Variants in ADCY5 observed in about 807,000 individuals in gnomAD.
The protein encoded by ADCY5 is adenylate cyclase type 5.
Under a neutral mutation model 119.7 loss-of-function variants are expected in ADCY5, and 30 were observed. The ratio of observed to expected loss-of-function variants is 0.25; its 90% CI spans 0.19 to 0.34. The LOEUF is 0.34. ADCY5 is among the 10% of genes least tolerant of loss of function. ADCY5 has a pLI of 1.00. For synonymous variants in ADCY5, 753 were observed against 762.2 expected (o/e 0.99, Z 0.20); for missense variants, 1,324 against 1,775.2 (o/e 0.75, Z 4.57).
At chr3:123,345,735 GAGAC>G (rs770505529) in intron 3 of ADCY5, among the ~76,000 whole-genome samples, 14 of 144,140 alleles carry the variant, frequency 9.7e-5, no homozygotes, top group African/African-American at 3.4e-4. Context: ...CAGAGACAGA[GAGAC>G]AGACAGACAG....
intron 1 of ADCY5, among the ~76,000 whole-genome samples, chr3:123,376,687 C>A (rs918477626): frequency 6.6e-6 from 1 of 152,070 alleles, no homozygotes; most frequent in Non-Finnish European, 1.5e-5. Flanking sequence ...GGCCCCAGAG[C>A]AGAGTGGCTG....
intron 1 of ADCY5, among the ~76,000 whole-genome samples, chr3:123,358,550 T>C (rs1943126303): frequency 1.3e-5 from 2 of 152,128 alleles, no homozygotes; most frequent in Admixed American, 1.3e-4. Flanking sequence ...CAGTGAGCTA[T>C]GACCATACCA....
intron 1 of ADCY5, among the ~76,000 whole-genome samples, chr3:123,412,199 A>T (rs1298856107): frequency 6.6e-6 from 1 of 152,216 alleles, no homozygotes; most frequent in Non-Finnish European, 1.5e-5. Flanking sequence ...AGGAAAGAGG[A>T]CACTTTGCCT....
intron 1 of ADCY5, among the ~76,000 whole-genome samples, chr3:123,439,969 G>A (rs1276322340): frequency 6.6e-6 from 1 of 152,218 alleles, no homozygotes; most frequent in South Asian, 2.1e-4. Context: ...CAGCAGGAGG[G>A]ATTTTGGAAG....
At chr3:123,343,968 C>G (rs1343241065) in intron 3 of ADCY5, among the ~76,000 whole-genome samples, 2 of 152,230 alleles carry the variant, frequency 1.3e-5, no homozygotes, top group Non-Finnish European at 2.9e-5. Context: ...CTGCCCACGG[C>G]CAGTGGTGGC....
intron 1 of ADCY5, among the ~76,000 whole-genome samples, chr3:123,422,049 A>G (rs1945313569): frequency 6.6e-6 from 1 of 152,214 alleles, no homozygotes; most frequent in African/African-American, 2.4e-5. Flanking sequence ...CTCCAGGGAC[A>G]GCACAGACAT....
At chr3:123,379,005 AT>A (rs1379943646) in intron 1 of ADCY5, among the ~76,000 whole-genome samples, 5 of 151,976 alleles carry the variant, frequency 3.3e-5, no homozygotes, top group African/African-American at 1.2e-4. Flanking sequence ...GAAAAGGCCC[AT>A]TTTGTCAGTC....
intron 1 of ADCY5, among the ~76,000 whole-genome samples, chr3:123,429,082 G>A (rs1013285028): frequency 5.3e-5 from 8 of 152,230 alleles, no homozygotes; most frequent in African/African-American, 1.9e-4. Flanking sequence ...GCTACTAAGT[G>A]TTCAGCACCA....
intron 1 of ADCY5, among the ~76,000 whole-genome samples, chr3:123,383,366 C>T (rs995838435): frequency 3.3e-5 from 5 of 152,220 alleles, no homozygotes; most frequent in African/African-American, 1.2e-4. Flanking sequence ...ATGTGAAGTA[C>T]GTCCCTGTGG....
At chr3:123,440,171 C>T (rs936322795) in intron 1 of ADCY5, among the ~76,000 whole-genome samples, 1 of 152,200 alleles carries the variant, frequency 6.6e-6, no homozygotes, top group African/African-American at 2.4e-5. Flanking sequence ...CTACTGTGTG[C>T]TGAGCACTGA....
At chr3:123,293,089 C>T (rs573529781) in intron 17 of ADCY5, among the ~76,000 whole-genome samples, 1 of 152,372 alleles carries the variant, frequency 6.6e-6, no homozygotes, top group African/African-American at 2.4e-5. Context: ...ACTTCTGGGG[C>T]TGCGCCCTGG....
At chr3:123,361,685 C>G (rs961827072) in intron 1 of ADCY5, among the ~76,000 whole-genome samples, 1 of 152,152 alleles carries the variant, frequency 6.6e-6, no homozygotes, top group East Asian at 1.9e-4. Context: ...TGCTAGGGAC[C>G]AGAAGTGTTT....
chr3:123,448,710 G>C lies in ADCY5; in HGVS notation c.-165C>G, dbSNP rs1945876682. 1 of 537,042 alleles carries C rather than the reference G, an allele frequency of 1.9e-6. No individual in the cohort carries two copies. Among genetic ancestry groups the C allele is most frequent in the Non-Finnish European group, 2.8e-6 (1 of 353,454 alleles). 33.3% of individuals were successfully genotyped at this position (537,042 alleles called of 1,614,324 possible). ...GGGCATCTTGGCACCCCCGTCCTGAGCGGAGGAGGAGGGCACAGCCCCGAG... is the reference window on the plus strand; with the variant it reads ...GGGCATCTTGGCACCCCCGTCCTGACCGGAGGAGGAGGGCACAGCCCCGAG... On this transcript the variant is annotated 5_prime_UTR_variant, in exon 1 of 21. Transcript: ENST00000462833.
intron 1 of ADCY5, among the ~76,000 whole-genome samples, chr3:123,388,951 G>A (rs1463172658): frequency 1.3e-5 from 2 of 152,160 alleles, no homozygotes; most frequent in African/African-American, 4.8e-5. Context: ...CTATACTGGG[G>A]ACCTGTGTCC....
intron 17 of ADCY5, among the ~76,000 whole-genome samples, chr3:123,294,087 G>A (rs1467506064): frequency 2.6e-5 from 4 of 152,220 alleles, no homozygotes; most frequent in Non-Finnish European, 5.9e-5. Flanking sequence ...AATACATAGT[G>A]AGGGTTGCAG....
At chr3:123,402,954 T>C (rs1305021329) in intron 1 of ADCY5, among the ~76,000 whole-genome samples, 1 of 151,876 alleles carries the variant, frequency 6.6e-6, no homozygotes. Context: ...TAGAGATTGG[T>C]GATTTAAAAA....
chr3:123,300,357 C>T (rs1939777393), intron 14 of ADCY5, 62 bp from the exon 15 acceptor site: 1 of 1,550,936 alleles, frequency 6.4e-7, no homozygotes, highest in African/African-American at 1.4e-5. Context: ...GCCCTGGCCC[C>T]ATGCATCCTC....
At position 123,284,689 on chromosome 3, in the gene ADCY5, C is replaced by T. The variant is rs779816106; in HGVS notation, c.3705G>A (p.Leu1235=). The T allele has an allele frequency of 2.5e-6, 4 of 1,614,230 alleles. No homozygotes were observed. Among genetic ancestry groups the T allele is most frequent in the Non-Finnish European group, 3.4e-6 (4 of 1,180,038 alleles). The change falls in exon 21 of 21, where the codon CTG becomes CTA. Residue 1235 remains leucine (L), a synonymous_variant. Coordinates refer to ENST00000462833, the MANE Select transcript of ADCY5 (RefSeq NM_183357.3). ...TGACCTTGACCACGCCCCGGCACTC[C>T]AGCTGGTACGTGTTGGCAGCCAGCA... The part of the protein sequence containing the change: ...YQVLAANTYQ[L]ECRGVVKVKG...
intron 12 of ADCY5, among the ~76,000 whole-genome samples, chr3:123,309,302 CAGAAAA>C (rs991134648): frequency 1.8e-4 from 27 of 152,212 alleles, no homozygotes; most frequent in African/African-American, 6.5e-4. Context: ...GCTCCTACTT[CAGAAAA>C]AGAAAAAAAG....
Sources: gnomAD v4.1 joint callset for allele counts (sites outside exome capture counted in the v4.1 genomes callset) on GRCh38, gnomAD v4.1.1 for gene constraint, MANE v1.5 for transcripts, NCBI Gene and HGNC (gene_info 2026-07-23, HGNC 2026-07-21) for gene names.